Variants in PCDH15 observed in about 807,000 individuals in gnomAD.
The protein encoded by PCDH15 is protocadherin related 15, also known as protocadherin-15.
In PCDH15, 129 loss-of-function variants were observed where a neutral mutation model predicts 178.5. That is an observed-to-expected ratio of 0.72 (90% CI 0.63 to 0.84). PCDH15 has a LOEUF of 0.84. PCDH15 is among the 40% of genes least tolerant of loss of function. The pLI, the probability that PCDH15 is intolerant of heterozygous loss-of-function variation, is 0.00. For missense variants in PCDH15, 2,230 were observed against 2,099.9 expected, an observed-to-expected ratio of 1.06 and a Z score of -1.21; for synonymous variants, 800 against 732.0, an observed-to-expected ratio of 1.09 and a Z score of -1.50.
chr10:53,963,866 TC>T (rs1281531605), intron 21 of PCDH15, among the ~76,000 whole-genome samples: 1 of 152,142 alleles, frequency 6.6e-6, no homozygotes, highest in Non-Finnish European at 1.5e-5. Context: ...ACTTTCTGCT[TC>T]CATTGTATTA....
At chr10:54,936,313 G>T (rs1837906806) in intron 2 of PCDH15, among the ~76,000 whole-genome samples, 1 of 151,774 alleles carries the variant, frequency 6.6e-6, no homozygotes, top group South Asian at 2.1e-4. Context: ...TTCTACTTTT[G>T]ACTATTATGA....
intron 1 of PCDH15, among the ~76,000 whole-genome samples, chr10:54,728,506 G>A (rs1942894005): frequency 6.6e-6 from 1 of 151,164 alleles, no homozygotes. Flanking sequence ...CATGCTGGAA[G>A]AATTCTTCTT....
At chr10:53,915,155 A>C (rs2083431189) in intron 25 of PCDH15, among the ~76,000 whole-genome samples, 1 of 152,204 alleles carries the variant, frequency 6.6e-6, no homozygotes, top group African/African-American at 2.4e-5. Context: ...TATTCACTAA[A>C]AATATAAAGT....
chr10:54,212,407 A>G (rs2051542541), intron 10 of PCDH15, among the ~76,000 whole-genome samples: 1 of 152,080 alleles, frequency 6.6e-6, no homozygotes, highest in African/African-American at 2.4e-5. Flanking sequence ...GTCTGACGCT[A>G]TACCTCATTT....
At chr10:55,358,580 T>C (rs987986634) in intron 2 of PCDH15, among the ~76,000 whole-genome samples, 3 of 152,138 alleles carry the variant, frequency 2.0e-5, no homozygotes, top group East Asian at 1.9e-4. Context: ...ATATAATAGT[T>C]GCCACCTAAA....
At chr10:54,725,533 A>T (rs140140375) in intron 1 of PCDH15, among the ~76,000 whole-genome samples, 17,471 of 127,914 alleles carry the variant, frequency 0.14, 1,341 homozygotes, top group African/African-American at 0.17. Flanking sequence ...TGTTTATATA[A>T]ATATAATTAT....
chr10:54,941,659 C>G lies in PCDH15; in HGVS notation c.-79-44159G>C, dbSNP rs549430043. Among the ~76,000 whole-genome samples the G allele has an allele frequency of 5.1e-4, 78 of 151,914 alleles. No individual in the cohort carries two copies. The Middle Eastern group carries it at 0.01, about 20-fold the overall frequency. On this transcript the variant is annotated intron_variant, in intron 2 of 5. Transcript: ENST00000458638. ...CATACTTTATTACCTCTTTGTAGACCGTGTAATTTTTTGTTAAAACCTAGA... is the reference window on the plus strand; with the variant it reads ...CATACTTTATTACCTCTTTGTAGACGGTGTAATTTTTTGTTAAAACCTAGA...
chr10:54,542,624 G>A (rs1240351241), intron 2 of PCDH15, among the ~76,000 whole-genome samples: 3 of 152,136 alleles, frequency 2.0e-5, no homozygotes, highest in Non-Finnish European at 4.4e-5. Flanking sequence ...CTTCCTTAGA[G>A]CCATAGAGCC....
intron 13 of PCDH15, among the ~76,000 whole-genome samples, chr10:54,164,724 T>A (rs1042726176): frequency 2.6e-5 from 4 of 152,160 alleles, no homozygotes; most frequent in Admixed American, 1.3e-4. Context: ...TAGAAGTTAG[T>A]GTAACAAAAA....
intron 3 of PCDH15, among the ~76,000 whole-genome samples, chr10:54,420,310 C>T (rs545991182): frequency 6.6e-6 from 1 of 152,082 alleles, no homozygotes; most frequent in South Asian, 2.1e-4. Flanking sequence ...ATGAGAAATG[C>T]CAAAGATATG....
At chr10:55,443,737 G>C (rs6481160) in intron 2 of PCDH15, among the ~76,000 whole-genome samples, 116,412 of 152,052 alleles carry the variant, frequency 0.77, 45,916 homozygotes, top group East Asian at 0.99. Context: ...GATTCCTCAA[G>C]GATCTAGAAC....
intron 21 of PCDH15, among the ~76,000 whole-genome samples, chr10:53,985,208 TA>T (rs796249705): frequency 2.2e-4 from 33 of 149,718 alleles, no homozygotes; most frequent in South Asian, 4.2e-4. Context: ...TCTGTGTGCT[TA>T]AAAAAAAAAC....
chr10:55,446,290 T>C (rs1382259926), intron 2 of PCDH15, among the ~76,000 whole-genome samples: 2 of 142,654 alleles, frequency 1.4e-5, no homozygotes, highest in Non-Finnish European at 3.0e-5. Flanking sequence ...GTTTCTCAAA[T>C]ATATAGAGAG....
chr10:54,622,621 A>ATATATATAAT (rs2093399316), intron 2 of PCDH15, among the ~76,000 whole-genome samples: 5 of 41,896 alleles, frequency 1.2e-4, no homozygotes, highest in Non-Finnish European at 2.3e-4. Context: ...TATATATAAT[A>ATATATATAAT]TATATAATAT....
intron 2 of PCDH15, among the ~76,000 whole-genome samples, chr10:55,448,300 G>T (rs1265823800): frequency 6.6e-6 from 1 of 151,880 alleles, no homozygotes. Flanking sequence ...GAGTAGGTTA[G>T]ATTTTTTTTA....
intron 2 of PCDH15, among the ~76,000 whole-genome samples, chr10:54,969,082 AT>A (rs76066772): frequency 0.38 from 56,604 of 148,918 alleles, 11,478 homozygotes; most frequent in East Asian, 0.67. Context: ...TGTTTCTATT[AT>A]TTTTTTTTTT....
At chr10:54,355,600 A>G (rs1030519266) in intron 5 of PCDH15, among the ~76,000 whole-genome samples, 1 of 152,016 alleles carries the variant, frequency 6.6e-6, no homozygotes, top group South Asian at 2.1e-4. Context: ...TTCACAGACA[A>G]TCTGAAACCA....
At chr10:54,074,280 T>C (rs887050322) in intron 17 of PCDH15, among the ~76,000 whole-genome samples, 6 of 152,186 alleles carry the variant, frequency 3.9e-5, no homozygotes, top group African/African-American at 1.2e-4. Context: ...ATCATCACTA[T>C]CCATCTCTAA....
At chr10:54,606,662 G>C (rs995277107) in intron 2 of PCDH15, 2 of 152,090 alleles carry the variant, frequency 1.3e-5, no homozygotes, top group Non-Finnish European at 2.9e-5. Context: ...AATTAGTATT[G>C]TCCTCAACTG....
Sources: gnomAD v4.1 joint callset for allele counts (sites outside exome capture counted in the v4.1 genomes callset) on GRCh38, gnomAD v4.1.1 for gene constraint, MANE v1.5 for transcripts, NCBI Gene and HGNC (gene_info 2026-07-23, HGNC 2026-07-21) for gene names.